Variants in MAF observed in about 807,000 individuals in gnomAD.
The protein encoded by MAF is transcription factor Maf.
Under a neutral mutation model 22.0 loss-of-function variants are expected in MAF, and 10 were observed. That is an observed-to-expected ratio of 0.45 (90% CI 0.28 to 0.77). MAF has a LOEUF of 0.77. Among genes scored for constraint, MAF ranks in the 30% least tolerant of loss-of-function variants. The pLI is 0.12. For missense variants in MAF, 544 were observed against 548.4 expected (o/e 0.99, Z 0.08); for synonymous variants, 337 against 255.8 (o/e 1.32, Z -3.03).
At chr16:79,590,977 A>G (rs1490597424), downstream of MAF, among the ~76,000 whole-genome samples, 4 of 152,098 alleles carry the variant, frequency 2.6e-5, no homozygotes, top group East Asian at 3.9e-4. Context: ...CAGGGCAACT[A>G]TAGGTTGCAA....
the MAF span, among the ~76,000 whole-genome samples, chr16:79,217,671 C>A: frequency 6.6e-6 from 1 of 152,120 alleles, no homozygotes; most frequent in Non-Finnish European, 1.5e-5. Context: ...CAGTCGTTTT[C>A]TTCCAAGTCC....
At chr16:79,259,973 T>A in the MAF span, among the ~76,000 whole-genome samples, 1 of 152,080 alleles carries the variant, frequency 6.6e-6, no homozygotes, top group Non-Finnish European at 1.5e-5. Flanking sequence ...GGCAGGGAAG[T>A]GTGACACAGC....
chr16:79,526,497 G>A, the MAF span, among the ~76,000 whole-genome samples: 1 of 152,174 alleles, frequency 6.6e-6, no homozygotes, highest in African/African-American at 2.4e-5. Flanking sequence ...AAGGTCAGTG[G>A]CTGGGGGTTA....
At chr16:79,413,219 T>TA in the MAF span, among the ~76,000 whole-genome samples, 1 of 14,990 alleles carries the variant, frequency 6.7e-5, no homozygotes, top group Non-Finnish European at 1.2e-4. Flanking sequence ...AGTTTTTTTT[T>TA]TTTTTTTTTT....
At chr16:79,235,556 T>A in the MAF span, among the ~76,000 whole-genome samples, 1 of 151,758 alleles carries the variant, frequency 6.6e-6, no homozygotes, top group African/African-American at 2.4e-5. Context: ...AGAAGAAATT[T>A]TAAAAATATG....
chr16:79,209,897 CT>C, the MAF span, among the ~76,000 whole-genome samples: 2 of 152,292 alleles, frequency 1.3e-5, no homozygotes, highest in East Asian at 3.9e-4. Flanking sequence ...ATGACATGAA[CT>C]CATTTCCATT....
the MAF span, among the ~76,000 whole-genome samples, chr16:79,453,327 AC>A: frequency 1.3e-5 from 2 of 152,154 alleles, no homozygotes; most frequent in African/African-American, 4.8e-5. Context: ...GCCACATGAT[AC>A]TGGGTTCCAT....
the MAF span, among the ~76,000 whole-genome samples, chr16:79,469,129 C>T: frequency 3.3e-5 from 5 of 152,152 alleles, no homozygotes; most frequent in African/African-American, 4.8e-5. Context: ...CAAACTGGAG[C>T]CCTGCAAGCC....
chr16:79,214,917 C>T, the MAF span, among the ~76,000 whole-genome samples: 26 of 151,398 alleles, frequency 1.7e-4, no homozygotes, highest in Admixed American at 1.7e-3. Context: ...ACCATGTTGG[C>T]CAGGCTGGTC....
At chr16:79,564,828 G>A in the MAF span, among the ~76,000 whole-genome samples, 1 of 152,162 alleles carries the variant, frequency 6.6e-6, no homozygotes, top group Non-Finnish European at 1.5e-5. Context: ...AGGGATGGAC[G>A]CCTGACAATT....
chr16:79,448,334 C>G, the MAF span, among the ~76,000 whole-genome samples: 1 of 151,292 alleles, frequency 6.6e-6, no homozygotes, highest in Non-Finnish European at 1.5e-5. Context: ...CCCTCCATCC[C>G]AAAAAAGATT....
the MAF span, among the ~76,000 whole-genome samples, chr16:79,333,826 T>C: frequency 4.1e-3 from 618 of 152,270 alleles, 3 homozygotes; most frequent in Non-Finnish European, 7.0e-3. Flanking sequence ...GATCTGGTAA[T>C]ATCATCACAC....
At chr16:79,578,393 A>C in the MAF span, among the ~76,000 whole-genome samples, 77 of 152,302 alleles carry the variant, frequency 5.1e-4, 1 homozygote, top group Middle Eastern at 0.01. Context: ...ACTCAGGTGC[A>C]TGCCGATATT....
At chr16:79,212,228 G>A in the MAF span, 14 of 1,381,094 alleles carry the variant, frequency 1.0e-5, no homozygotes, top group South Asian at 4.6e-5. Context: ...AGTGTTCACT[G>A]CTCCTTGCTG....
chr16:79,266,024 T>A, the MAF span, among the ~76,000 whole-genome samples: 2 of 142,226 alleles, frequency 1.4e-5, no homozygotes, highest in African/African-American at 5.3e-5. Flanking sequence ...TCCTTTCTTT[T>A]CTTCTTTTCT....
chr16:79,406,216 C>A, the MAF span, among the ~76,000 whole-genome samples: 1 of 152,188 alleles, frequency 6.6e-6, no homozygotes, highest in African/African-American at 2.4e-5. Flanking sequence ...CCTTCCAAGT[C>A]AATTACTTGC....
the MAF span, among the ~76,000 whole-genome samples, chr16:79,411,111 C>T: frequency 6.6e-6 from 1 of 152,114 alleles, no homozygotes; most frequent in East Asian, 1.9e-4. Flanking sequence ...CTCCCTTGTC[C>T]CATTTTAGTT....
At chr16:79,483,999 A>G in the MAF span, among the ~76,000 whole-genome samples, 1 of 152,258 alleles carries the variant, frequency 6.6e-6, no homozygotes, top group East Asian at 1.9e-4. Flanking sequence ...AAAGTGTGTT[A>G]GATGGAGTGA....
the MAF span, among the ~76,000 whole-genome samples, chr16:79,462,339 G>T: frequency 6.6e-6 from 1 of 152,146 alleles, no homozygotes; most frequent in Non-Finnish European, 1.5e-5. Context: ...ACCTACTTAA[G>T]TCCACCAATT....
Sources: allele counts gnomAD v4.1 joint callset (sites outside exome capture counted in the v4.1 genomes callset), GRCh38; gene constraint gnomAD v4.1.1; transcripts MANE v1.5; gene names NCBI Gene and HGNC (gene_info 2026-07-23, HGNC 2026-07-21).